Variants in SIK2 observed in about 807,000 individuals in gnomAD.
SIK2 encodes serine/threonine-protein kinase SIK2.
Under a neutral mutation model 103.2 loss-of-function variants are expected in SIK2, and 29 were observed. That is an observed-to-expected ratio of 0.28 (90% CI 0.21 to 0.38). The LOEUF is 0.38. SIK2 is among the 10% of genes least tolerant of loss of function. SIK2 has a pLI of 1.00. For synonymous variants in SIK2, 412 were observed against 446.1 expected (o/e 0.92, Z 0.96); for missense variants, 879 against 1,171.0 (o/e 0.75, Z 3.64).
chr11:111,646,800 C>T (rs1942263658), intron 3 of SIK2, among the ~76,000 whole-genome samples: 1 of 152,166 alleles, frequency 6.6e-6, no homozygotes, highest in Non-Finnish European at 1.5e-5. Flanking sequence ...TGATTCATTC[C>T]TTTTTATTGC....
chr11:111,707,165 A>G (rs1490364214), intron 8 of SIK2, among the ~76,000 whole-genome samples: 2 of 152,176 alleles, frequency 1.3e-5, no homozygotes, highest in East Asian at 1.9e-4. Flanking sequence ...AAATGCCACT[A>G]GACAAAAGGA....
chr11:111,699,199 C>T (rs916728654), intron 4 of SIK2, among the ~76,000 whole-genome samples: 1 of 152,156 alleles, frequency 6.6e-6, no homozygotes, highest in Non-Finnish European at 1.5e-5. Context: ...CTTTGCCTCA[C>T]ACTCCTGGAT....
chr11:111,721,127 T>C, intron 12 of SIK2, 65 bp downstream of exon 12: 1 of 1,524,424 alleles, frequency 6.6e-7, no homozygotes, highest in East Asian at 2.3e-5. Flanking sequence ...GTCCTGAAGA[T>C]GGTCATTTTC....
At chr11:111,620,303 T>C (rs1295087015) in intron 2 of SIK2, 36 bp from the exon 3 acceptor site, 1 of 1,314,772 alleles carries the variant, frequency 7.6e-7, no homozygotes, top group Non-Finnish European at 1.1e-6. Flanking sequence ...TTCCAGTACA[T>C]TTCTGTCAGA....
chr11:111,680,951 T>A (rs1266099613), intron 3 of SIK2, among the ~76,000 whole-genome samples: 2 of 152,218 alleles, frequency 1.3e-5, no homozygotes, highest in African/African-American at 4.8e-5. Flanking sequence ...AGAAGATGAC[T>A]CTTGAATTTT....
At chr11:111,721,462 T>C (rs777468558) in intron 12 of SIK2, among the ~76,000 whole-genome samples, 2 of 152,222 alleles carry the variant, frequency 1.3e-5, no homozygotes, top group East Asian at 3.9e-4. Context: ...TAGTAAATAC[T>C]ACAAGTGGAT....
rs550984114 is a variant in SIK2 at position 111,628,794 on chromosome 11, G to A, written c.316+8392G>A. ...TTCCCTAAATAATGTGCTTGTACTG[G>A]TATTTCTGGATTTTTTTTTCTATTT... On this transcript the variant is annotated intron_variant, in intron 3 of 14. Coordinates refer to ENST00000304987, the MANE Select transcript of SIK2 (RefSeq NM_015191.3). Among the ~76,000 whole-genome samples the A allele has an allele frequency of 4.1e-4, 62 of 152,070 alleles. 1 individual carries two copies. Among genetic ancestry groups the A allele is most frequent in the African/African-American group, 1.4e-3 (60 of 41,472 alleles).
rs557160425 is a variant in SIK2 at position 111,725,250 on chromosome 11, G to C, written c.*1121G>C. 4 of 152,694 alleles carry C rather than the reference G, an allele frequency of 2.6e-5. No individual in the cohort carries two copies. Among genetic ancestry groups the C allele is most frequent in the Non-Finnish European group, 5.9e-5 (4 of 68,010 alleles). 9.5% of individuals were successfully genotyped at this position (152,694 alleles called of 1,614,324 possible). On this transcript the variant is annotated 3_prime_UTR_variant, in exon 15 of 15. Coordinates refer to ENST00000304987, the MANE Select transcript of SIK2 (RefSeq NM_015191.3). ...CATTTATGTCAATGCTAAATCCAAA[G>C]TCACTTCAGAGTTTGTTTTCCACCA...
chr11:111,653,690 G>C (rs542565419), intron 3 of SIK2, among the ~76,000 whole-genome samples: 1 of 152,154 alleles, frequency 6.6e-6, no homozygotes, highest in Non-Finnish European at 1.5e-5. Flanking sequence ...GTCAGTTGTG[G>C]CACCAGGACG....
chr11:111,682,083 G>T (rs1942784865), intron 3 of SIK2, among the ~76,000 whole-genome samples: 1 of 152,100 alleles, frequency 6.6e-6, no homozygotes, highest in Admixed American at 6.5e-5. Flanking sequence ...TTAATTGAAG[G>T]ATCAGGCTGT....
intron 4 of SIK2, among the ~76,000 whole-genome samples, chr11:111,693,169 T>C (rs1207068222): frequency 6.6e-6 from 1 of 151,958 alleles, no homozygotes; most frequent in Non-Finnish European, 1.5e-5. Flanking sequence ...CCGTCTCTAC[T>C]AAAAATACAA....
At chr11:111,677,228 A>G (rs998934406) in intron 3 of SIK2, among the ~76,000 whole-genome samples, 2 of 152,204 alleles carry the variant, frequency 1.3e-5, no homozygotes, top group Non-Finnish European at 1.5e-5. Flanking sequence ...TGCCTAAAAA[A>G]ACAGCTCTGG....
At chr11:111,692,224 G>A (rs1012055119) in intron 4 of SIK2, among the ~76,000 whole-genome samples, 3 of 151,624 alleles carry the variant, frequency 2.0e-5, no homozygotes, top group African/African-American at 7.3e-5. Context: ...GGCAGCATGC[G>A]CCTGTAGTCC....
intron 3 of SIK2, among the ~76,000 whole-genome samples, chr11:111,628,445 T>TCTTC: frequency 3.0e-5 from 4 of 135,126 alleles, no homozygotes; most frequent in Admixed American, 7.6e-5. Flanking sequence ...TTTCTTTCTT[T>TCTTC]CTTTCTTTTT....
At chr11:111,715,513 T>C (rs1943614572) in intron 9 of SIK2, among the ~76,000 whole-genome samples, 1 of 152,190 alleles carries the variant, frequency 6.6e-6, no homozygotes, top group Non-Finnish European at 1.5e-5. Context: ...CCCAGAAATC[T>C]TCAGTGCTTA....
rs1053516262 is a variant in SIK2, at chr11:111,726,312, C to A, written c.*2183C>A. 2 of 152,394 alleles carry A rather than the reference C, an allele frequency of 1.3e-5. No homozygotes were observed. Among genetic ancestry groups the A allele is most frequent in the South Asian group, 4.1e-4 (2 of 4,828 alleles). 9.4% of individuals were successfully genotyped at this position (152,394 alleles called of 1,614,324 possible). A position where few individuals can be genotyped will look rare whatever the true frequency, so the allele number is the denominator to read the frequency against. ...GCCATGAGCTGCTTAGCCCAGGAGA[C>A]CTGGGAGCTATGGCAGGACGGTTAG... On this transcript the variant is annotated 3_prime_UTR_variant, in exon 15 of 15. Coordinates refer to ENST00000304987, the MANE Select transcript of SIK2 (RefSeq NM_015191.3).
At chr11:111,608,169 T>A (rs1006551472) in intron 1 of SIK2, among the ~76,000 whole-genome samples, 2 of 152,198 alleles carry the variant, frequency 1.3e-5, no homozygotes, top group Non-Finnish European at 2.9e-5. Flanking sequence ...TAGAATACTT[T>A]CCCATCCTTC....
At chr11:111,654,152 T>G (rs188140197) in intron 3 of SIK2, among the ~76,000 whole-genome samples, 1 of 152,338 alleles carries the variant, frequency 6.6e-6, no homozygotes, top group East Asian at 1.9e-4. Flanking sequence ...GGGAATTTCT[T>G]TATTGTTTTT....
At chr11:111,647,414 C>G (rs1321819737) in intron 3 of SIK2, among the ~76,000 whole-genome samples, 1 of 151,908 alleles carries the variant, frequency 6.6e-6, no homozygotes, top group Non-Finnish European at 1.5e-5. Context: ...AGCCAAAATA[C>G]CCCTTTTTTC....
Sources: allele counts gnomAD v4.1 joint callset (sites outside exome capture counted in the v4.1 genomes callset), GRCh38; gene constraint gnomAD v4.1.1; transcripts MANE v1.5; gene names NCBI Gene and HGNC (gene_info 2026-07-23, HGNC 2026-07-21).